TRANK1: variants seen among roughly 807,000 people sequenced by gnomAD.
TRANK1 encodes TPR and ankyrin repeat-containing protein 1.
In TRANK1, 198 loss-of-function variants were observed where a neutral mutation model predicts 266.0. That is an observed-to-expected ratio of 0.74 (90% CI 0.66 to 0.84). The LOEUF (loss-of-function observed/expected upper bound fraction) is 0.84. Among genes scored for constraint, TRANK1 ranks in the 40% least tolerant of loss-of-function variants. The pLI is 0.00. For synonymous variants in TRANK1, 1,396 were observed against 1,384.1 expected (o/e 1.01, Z -0.19); for missense variants, 3,326 against 3,634.6 (o/e 0.92, Z 2.18).
At chr3:36,906,753 C>T (rs2079974397) in intron 2 of TRANK1, among the ~76,000 whole-genome samples, 1 of 152,224 alleles carries the variant, frequency 6.6e-6, no homozygotes, top group African/African-American at 2.4e-5. Context: ...GAAGTGCCTT[C>T]TCCCCCTCAG....
chr3:36,942,136 G>A (rs1210356484), intron 1 of TRANK1, among the ~76,000 whole-genome samples: 2 of 152,024 alleles, frequency 1.3e-5, no homozygotes, highest in Admixed American at 1.3e-4. Flanking sequence ...AAATAATGAG[G>A]GCATATACTA....
rs367805171 is a variant in TRANK1, at chr3:36,856,437, G to A, written c.3285C>T (p.His1095=). 346 of 1,613,804 alleles carry A rather than the reference G, an allele frequency of 2.1e-4. No homozygotes were observed. Among genetic ancestry groups the A allele is most frequent in the East Asian group, 1.2e-3 (53 of 44,862 alleles). Residue 1095 remains histidine, a synonymous_variant, in exon 13 of 24, where the codon CAC becomes CAT. Transcript: ENST00000645898. ...CCLYRLWKKF[H]VYWEKAEQAG... ...CCTGCTCAGCTTTTTCCCAGTAAACGTGGAATTTCTTCCACAATCTGTACA... is the reference window on the plus strand; with the variant it reads ...CCTGCTCAGCTTTTTCCCAGTAAACATGGAATTTCTTCCACAATCTGTACA...
intron 17 of TRANK1, among the ~76,000 whole-genome samples, chr3:36,843,593 A>G (rs1471203546): frequency 2.7e-5 from 2 of 74,886 alleles, no homozygotes. Context: ...CCACCCTGCC[A>G]CCTGCATCCC....
chr3:36,910,102 A>G (rs1006707888), intron 1 of TRANK1, among the ~76,000 whole-genome samples: 39 of 152,250 alleles, frequency 2.6e-4, no homozygotes, highest in Non-Finnish European at 5.0e-4. Flanking sequence ...AAAGACCAAC[A>G]TTCTCACCAA....
intron 20 of TRANK1, 64 bp downstream of exon 20, chr3:36,838,308 A>C (rs2078797061): frequency 6.3e-7 from 1 of 1,593,588 alleles, no homozygotes. Context: ...GGTCGAGCCT[A>C]CCCCTCAATC....
chr3:36,844,413 G>GA (rs1385336855), intron 17 of TRANK1, among the ~76,000 whole-genome samples: 6 of 152,132 alleles, frequency 3.9e-5, no homozygotes, highest in Non-Finnish European at 7.3e-5. Flanking sequence ...TTTTAGTAGA[G>GA]ATGGGGTTTC....
intron 15 of TRANK1, 136 bp downstream of exon 15, chr3:36,851,583 A>C: frequency 3.2e-6 from 4 of 1,262,888 alleles, no homozygotes; most frequent in Non-Finnish European, 3.2e-6. Context: ...CCTCATACTG[A>C]ATGAATGATG....
At chr3:36,851,254 A>T (rs958008376) in intron 15 of TRANK1, 23 of 986,462 alleles carry the variant, frequency 2.3e-5, no homozygotes, top group Non-Finnish European at 2.5e-5. Context: ...CTTGTCCCCC[A>T]CATTACCTGA....
intron 15 of TRANK1, chr3:36,850,510 T>C: frequency 1.0e-6 from 1 of 985,374 alleles, no homozygotes; most frequent in Non-Finnish European, 1.2e-6. Flanking sequence ...GGCTCATGCT[T>C]ATAATCTCAG....
chr3:36,891,230 C>T (rs1203074932), intron 7 of TRANK1, among the ~76,000 whole-genome samples: 1 of 152,106 alleles, frequency 6.6e-6, no homozygotes, highest in Non-Finnish European at 1.5e-5. Flanking sequence ...ATCCCAGATA[C>T]TCGGGGGGCT....
In TRANK1 at chr3:36,851,326, C is replaced by T. The variant is rs1371123676; in HGVS notation, c.4887+393G>A. On this transcript the variant is annotated intron_variant, in intron 15 of 23. Coordinates refer to ENST00000645898, the MANE Select transcript of TRANK1 (RefSeq NM_001329998.2). ...GGAATTGTCTCTATCTATGAACTGACCTTACCCAGTTCTGTCATCACAGGG... is the reference window on the plus strand; with the variant it reads ...GGAATTGTCTCTATCTATGAACTGATCTTACCCAGTTCTGTCATCACAGGG... 6 of 998,610 alleles carry T rather than the reference C, an allele frequency of 6.0e-6. No homozygotes were observed. In the East Asian group the frequency reaches 5.4e-4, roughly 90 times the overall value. The allele number at this position is 998,610 out of a possible 1,614,324, so 61.9% of individuals were successfully genotyped here. A position where few individuals can be genotyped will look rare whatever the true frequency, so the allele number is the denominator to read the frequency against.
At position 36,878,122 on chromosome 3, in the gene TRANK1, G is replaced by A. The variant is rs576497460; in HGVS notation, c.908-3826C>T. ...GAGGACAGCGAGCATCACTGCCTGA[G>A]CTCCGCCTCCTGTCAGATAAGCAGC... On this transcript the variant is annotated intron_variant, in intron 8 of 23. Transcript: ENST00000645898. Among the ~76,000 whole-genome samples the A allele has an allele frequency of 2.0e-5, 3 of 152,310 alleles. No individual in the cohort carries two copies. The South Asian group carries it at 6.2e-4, about 32-fold the overall frequency.
intron 18 of TRANK1, 85 bp downstream of exon 18, chr3:36,842,537 G>T: frequency 1.6e-6 from 2 of 1,213,700 alleles, no homozygotes; most frequent in Non-Finnish European, 2.4e-6. Flanking sequence ...TCCTTTCCTG[G>T]TGACAAACAC....
chr3:36,869,746 AACTT>A (rs2079278685), intron 9 of TRANK1, among the ~76,000 whole-genome samples: 1 of 152,260 alleles, frequency 6.6e-6, no homozygotes, highest in Admixed American at 6.5e-5. Flanking sequence ...CATGGCCACT[AACTT>A]ACATAAAATT....
Position 36,855,932 on chromosome 3 carries a change from T to C in TRANK1, c.3790A>G (p.Arg1264Gly). The C allele has an allele frequency of 6.2e-7, 1 of 1,613,374 alleles. No individual in the cohort carries two copies. Among genetic ancestry groups the C allele is most frequent in the South Asian group, 1.1e-5 (1 of 91,054 alleles). Residue 1264 changes from arginine (R) to glycine (G), a missense_variant, in exon 13 of 24, where the codon AGA becomes GGA. Physicochemically the swap from Arg to Gly is moderately radical, Grantham distance 125 (BLOSUM62 -2). Transcript: ENST00000645898. ...DASLPKPFFL[R>G]NEDGSLKRTI... is the part of the protein sequence containing the mutation. ...CTTTTCAAGCTTCCATCTTCGTTTC[T>C]CAGAAAAAATGGTTTGGGCAGAGAA...
In TRANK1 at chr3:36,833,609, G is replaced by A. The variant is rs1575177325; in HGVS notation, c.5974C>T (p.Leu1992=). ...TADKDFQASC[L]LGAARLNVAR... Reference sequence around the variant, plus strand: ...ACATTGAGGCGGGCGGCCCCCAGCAGACATGAGGCCTGGAAGTCCTTGTCG... The same window carrying A: ...ACATTGAGGCGGGCGGCCCCCAGCAAACATGAGGCCTGGAAGTCCTTGTCG... Residue 1992 remains leucine, a synonymous_variant, in exon 22 of 24, where the codon CTG becomes TTG. Coordinates refer to ENST00000645898, the MANE Select transcript of TRANK1 (RefSeq NM_001329998.2). 1 of 1,613,962 alleles carries A rather than the reference G, an allele frequency of 6.2e-7. No homozygotes were observed. Among genetic ancestry groups the A allele is most frequent in the Non-Finnish European group, 8.5e-7 (1 of 1,179,868 alleles).
chr3:36,907,253 C>A (rs1393614320), intron 2 of TRANK1, among the ~76,000 whole-genome samples: 1 of 152,128 alleles, frequency 6.6e-6, no homozygotes, highest in Non-Finnish European at 1.5e-5. Flanking sequence ...CACGATCAAG[C>A]GATTCTCCTG....
chr3:36,857,086 A>G lies in TRANK1; in HGVS notation c.2636T>C (p.Leu879Pro). Reference sequence around the variant, plus strand: ...CTGGATGCTTCCTTTCAGGTGCTTCAGTCGCTTCTGCAGGCCCTGGGTCCA... The same window carrying G: ...CTGGATGCTTCCTTTCAGGTGCTTCGGTCGCTTCTGCAGGCCCTGGGTCCA... Reference protein sequence around the residue: ...GEWTQGLQKRLKHLKGSIQLF... With the variant: ...GEWTQGLQKRPKHLKGSIQLF... Residue 879 changes from leucine (L) to proline (P), a missense_variant, in exon 13 of 24, where the codon CTG becomes CCG. Physicochemically the swap from Leu to Pro is moderately conservative, Grantham distance 98. Transcript: ENST00000645898. This position sits in a 1 kb window ranked among gnomAD's most constrained non-coding sequence, Gnocchi z 4.3. 1 of 1,614,042 alleles carries G rather than the reference A, an allele frequency of 6.2e-7. No homozygotes were observed. The highest frequency in any genetic ancestry group is 1.3e-5 in the African/African-American group (1 of 75,056).
rs565832872 is a variant in TRANK1, at chr3:36,905,641, C to T, written c.156-2366G>A. 2.0e-5 allele frequency among the ~76,000 whole-genome samples: 3 copies of T among 152,312 alleles called. No individual in the cohort carries two copies. In the East Asian group the frequency reaches 5.8e-4, roughly 29 times the overall value. On this transcript the variant is annotated intron_variant, in intron 2 of 23. Transcript: ENST00000645898. ...TAATATAGCCCACTCCCTAGGATGA[C>T]TGCCGGGAGCCAGACAGCCTAAAAC...
Sources: gnomAD v4.1 joint callset for allele counts (sites outside exome capture counted in the v4.1 genomes callset) on GRCh38, gnomAD v4.1.1 for gene constraint, Gnocchi (gnomAD v3.1) non-coding constraint, MANE v1.5 for transcripts, NCBI Gene and HGNC (gene_info 2026-07-23, HGNC 2026-07-21) for gene names.